Variants in SSUH2 observed in about 807,000 individuals in gnomAD.
SSUH2 encodes the protein protein SSUH2 homolog.
SSUH2 carries 47 observed loss-of-function variants against 55.3 expected under a neutral mutation model. That is an observed-to-expected ratio of 0.85 (90% CI 0.67 to 1.08). The LOEUF (loss-of-function observed/expected upper bound fraction) is 1.08. Among genes scored for constraint, SSUH2 ranks in the 50% least tolerant of loss-of-function variants. The pLI is 0.00. For synonymous variants in SSUH2, 212 were observed against 191.5 expected, an observed-to-expected ratio of 1.11 and a Z score of -0.89; for missense variants, 535 against 490.7, an observed-to-expected ratio of 1.09 and a Z score of -0.85.
chr3:8,623,164 T>C (rs1676748632), intron 11 of SSUH2, among the ~76,000 whole-genome samples: 4 of 152,172 alleles, frequency 2.6e-5, no homozygotes, highest in Non-Finnish European at 4.4e-5. Context: ...GGTTGGGAAG[T>C]GCCAGGGGCC....
chr3:8,644,584 G>A, intron 1 of SSUH2, 147 bp downstream of exon 1: 2 of 754,540 alleles, frequency 2.7e-6, no homozygotes, highest in Non-Finnish European at 4.5e-6. Flanking sequence ...AGATGGAAGA[G>A]TTCACACAGT....
upstream of SSUH2, among the ~76,000 whole-genome samples, chr3:8,648,788 C>T (rs1702034174): frequency 6.6e-6 from 1 of 152,136 alleles, no homozygotes; most frequent in Non-Finnish European, 1.5e-5. Flanking sequence ...TTAACCTTGA[C>T]CCTGGATACA....
chr3:8,621,386 C>T (rs1163279183), intron 11 of SSUH2, among the ~76,000 whole-genome samples: 1 of 152,176 alleles, frequency 6.6e-6, no homozygotes, highest in Non-Finnish European at 1.5e-5. Context: ...GGGGCTGAGG[C>T]TGAAGCCATC....
chr3:8,620,392 T>A (rs1172377045), intron 11 of SSUH2, among the ~76,000 whole-genome samples: 1 of 152,170 alleles, frequency 6.6e-6, no homozygotes, highest in Non-Finnish European at 1.5e-5. Flanking sequence ...CCGCCATGAT[T>A]GTGAGGGCTC....
chr3:8,646,465 C>T (rs1047295170), upstream of SSUH2, among the ~76,000 whole-genome samples: 2 of 152,128 alleles, frequency 1.3e-5, no homozygotes, highest in African/African-American at 4.8e-5. Flanking sequence ...CTTGAGGCCG[C>T]AAAAATGCAG....
At chr3:8,678,022 C>A (rs140972466) in intron 2 of SSUH2, among the ~76,000 whole-genome samples, 12 of 151,142 alleles carry the variant, frequency 7.9e-5, no homozygotes, top group Admixed American at 2.0e-4. Flanking sequence ...CTACTCCCTG[C>A]GATATCGCGT....
intron 6 of SSUH2, chr3:8,663,669 T>C (rs947416672): frequency 5.4e-6 from 2 of 369,680 alleles, no homozygotes; most frequent in Non-Finnish European, 1.1e-5. Context: ...GTGCTAGGAA[T>C]GTGTTAATTG....
At chr3:8,657,590 G>C (rs1262401064) in intron 7 of SSUH2, among the ~76,000 whole-genome samples, 1 of 152,172 alleles carries the variant, frequency 6.6e-6, no homozygotes, top group Non-Finnish European at 1.5e-5. Context: ...GCCTGGAGGA[G>C]GCGAGGCTGA....
At chr3:8,620,166 A>C (rs370232224) in intron 11 of SSUH2, 152 bp from the exon 12 acceptor site, 3 of 741,638 alleles carry the variant, frequency 4.0e-6, no homozygotes, top group East Asian at 5.6e-5. Flanking sequence ...TTCCCACCCA[A>C]ATCTCACCTT....
intron 7 of SSUH2, chr3:8,658,823 C>T (rs1559503234): frequency 6.6e-6 from 1 of 151,866 alleles, no homozygotes; most frequent in Non-Finnish European, 1.5e-5. Context: ...CAGACAATGC[C>T]CAGGACTCTC....
At chr3:8,634,572 C>T in intron 3 of SSUH2, 1 of 1,289,848 alleles carries the variant, frequency 7.8e-7, no homozygotes, top group African/African-American at 1.5e-5. Flanking sequence ...TCTTCAGATC[C>T]ATGGATGGCA....
At chr3:8,632,689 G>A (rs1699032389) in intron 4 of SSUH2, among the ~76,000 whole-genome samples, 1 of 152,218 alleles carries the variant, frequency 6.6e-6, no homozygotes, top group South Asian at 2.1e-4. Context: ...TCCTCAGAGG[G>A]TGGCTGGATG....
chr3:8,625,231 A>G (rs1359665691), intron 10 of SSUH2, among the ~76,000 whole-genome samples: 2 of 151,888 alleles, frequency 1.3e-5, no homozygotes, highest in African/African-American at 4.8e-5. Flanking sequence ...TGAGGAAGAA[A>G]GGGAAGGAGG....
intron 3 of SSUH2, among the ~76,000 whole-genome samples, chr3:8,674,951 G>A (rs1575393761): frequency 6.6e-6 from 1 of 152,132 alleles, no homozygotes; most frequent in African/African-American, 2.4e-5. Context: ...CGGGTCCCCA[G>A]AGAAGCTCTT....
Position 8,633,835 on chromosome 3 carries a change from G to A in SSUH2, c.210-40C>T, listed in dbSNP as rs764856791. ...ACAGAGAGGCGGGGGCTTCTGGGAAGGGCCTGTGGACTCACGCGGGCCAGC... is the reference window on the plus strand; with the variant it reads ...ACAGAGAGGCGGGGGCTTCTGGGAAAGGCCTGTGGACTCACGCGGGCCAGC... On this transcript the variant is annotated intron_variant, in intron 3 of 11. Transcript: ENST00000544814. 2.5e-6 allele frequency: 4 copies of A among 1,613,252 alleles called. No individual in the cohort carries two copies. The highest frequency in any genetic ancestry group is 1.7e-5 in the Admixed American group (1 of 60,008).
At chr3:8,646,820 G>A (rs1040746448), upstream of SSUH2, among the ~76,000 whole-genome samples, 3 of 152,158 alleles carry the variant, frequency 2.0e-5, no homozygotes, top group African/African-American at 7.2e-5. Context: ...TTGGGATCAG[G>A]GAAGAGAGGC....
Position 8,619,852 on chromosome 3 carries a change from G to C in SSUH2, c.*16C>G. On this transcript the variant is annotated 3_prime_UTR_variant, in exon 12 of 12. Transcript: ENST00000544814. ...GGCAAACGTGAATGGCAGGCTCTGG[G>C]GACAGCCATGCTATGTCACACGATG... 6.2e-7 allele frequency: 1 copy of C among 1,611,322 alleles called. No individual in the cohort carries two copies. Among genetic ancestry groups the C allele is most frequent in the Non-Finnish European group, 8.5e-7 (1 of 1,178,806 alleles).
chr3:8,679,074 C>CGGGGACTGAGAGG lies in SSUH2; in HGVS notation c.-901+630_-901+631insCCTCTCAGTCCCC, dbSNP rs1345277190. On this transcript the variant is annotated intron_variant, in intron 2 of 18. Transcript: ENST00000317371. ...AGGGGAGGAAGCACCCCCCGCGAGG[C>CGGGGACTGAGAGG]GGGGACTGAGAGCAAGCACCTCTTT... Among the ~76,000 whole-genome samples, 5 of 104,608 alleles carry CGGGGACTGAGAGG rather than the reference C, an allele frequency of 4.8e-5. 1 individual carries two copies. The highest frequency in any genetic ancestry group is 1.6e-4 in the African/African-American group (5 of 30,420). 68.6% of individuals were successfully genotyped at this position (104,608 alleles called of 152,430 possible).
chr3:8,621,015 C>T (rs915938415), intron 11 of SSUH2, among the ~76,000 whole-genome samples: 4 of 152,200 alleles, frequency 2.6e-5, no homozygotes, highest in Admixed American at 6.5e-5. Flanking sequence ...AACAGCAGCC[C>T]ACCTTGGGAG....
Sources: allele counts gnomAD v4.1 joint callset (sites outside exome capture counted in the v4.1 genomes callset), GRCh38; gene constraint gnomAD v4.1.1; transcripts MANE v1.5; gene names NCBI Gene and HGNC (gene_info 2026-07-23, HGNC 2026-07-21).